Variants in PIEZO1 observed in about 807,000 individuals in gnomAD.
PIEZO1 encodes piezo-type mechanosensitive ion channel component 1.
A neutral mutation model predicts 297.2 loss-of-function variants in PIEZO1; 296 were observed. That is an observed-to-expected ratio of 1.00 (90% CI 0.91 to 1.10). The LOEUF (loss-of-function observed/expected upper bound fraction) is 1.10. PIEZO1 is among the 50% of genes least tolerant of loss of function. The pLI, the probability that PIEZO1 is intolerant of heterozygous loss-of-function variation, is 0.00. For synonymous variants in PIEZO1, 2,427 were observed against 1,507.5 expected (o/e 1.61, Z -14.13); for missense variants, 5,018 against 3,455.5 (o/e 1.45, Z -11.34).
rs564744761 is a variant in PIEZO1 at position 88,720,391 on chromosome 16, G to A, written c.5943C>T (p.Ala1981=). Residue 1981 remains alanine, a synonymous_variant, in exon 41 of 51, where the codon GCC becomes GCT. Coordinates refer to ENST00000301015, the MANE Select transcript of PIEZO1 (RefSeq NM_001142864.4). ...GGTCCCGGGCCTGGCTCACCCCAAA[G>A]GCCCAGAAGCCAAAAATGATGATGA... ...DFIIIIFGFW[A]FGKHSAATDI... 2.6e-6 allele frequency: 4 copies of A among 1,550,044 alleles called. No homozygotes were observed. The South Asian group carries it at 3.6e-5, about 14-fold the overall frequency.
Position 88,737,981 on chromosome 16 carries a change from C to T in PIEZO1, c.973G>A (p.Ala325Thr), listed in dbSNP as rs1233326306. 2.0e-5 allele frequency: 31 copies of T among 1,534,430 alleles called. No individual in the cohort carries two copies. The highest frequency in any genetic ancestry group is 1.7e-4 in the Middle Eastern group (1 of 6,002). ...SPGVLLLLCY[A>T]TASLRKLRAY... The stretch of plus-strand genomic sequence containing the variant: ...CGGAGCTTGCGCAGAGAGGCCGTGG[C>T]GTAGCACAGCAGCAGGAGGACGCCG... The change falls in exon 8 of 51, where the codon GCC becomes ACC. Residue 325 changes from alanine (A) to threonine (T), a missense_variant. Coordinates refer to ENST00000301015, the MANE Select transcript of PIEZO1 (RefSeq NM_001142864.4).
intron 44 of PIEZO1, chr16:88,719,367 C>G: frequency 3.5e-6 from 2 of 579,328 alleles, no homozygotes; most frequent in Non-Finnish European, 6.2e-6. Flanking sequence ...AACTCCGCTG[C>G]CCACTTCTGC....
chr16:88,772,768 ACT>A (rs1254429327), intron 1 of PIEZO1, among the ~76,000 whole-genome samples: 4 of 114,606 alleles, frequency 3.5e-5, no homozygotes, highest in African/African-American at 5.9e-5. Flanking sequence ...AAAGAGTGAG[ACT>A]CTGTCAAAAA....
intron 1 of PIEZO1, among the ~76,000 whole-genome samples, chr16:88,773,183 G>A (rs1907503246): frequency 6.6e-6 from 1 of 152,242 alleles, no homozygotes; most frequent in Non-Finnish European, 1.5e-5. Context: ...TTCAGGCTGA[G>A]CCTCCCCCTC....
chr16:88,732,094 GA>G (rs1245567070), intron 21 of PIEZO1, among the ~76,000 whole-genome samples, 184 bp from the exon 22 acceptor site: 1 of 151,904 alleles, frequency 6.6e-6, no homozygotes, highest in African/African-American at 2.4e-5. Context: ...TCGTGCAGGG[GA>G]AACTGAGGCT....
rs747246644 is a variant in PIEZO1 at position 88,731,956 on chromosome 16, G to GAGAGGGCGGGGCAT, written c.2992-47_2992-46insATGCCCCGCCCTCT. On this transcript the variant is annotated intron_variant, in intron 21 of 50. Coordinates refer to ENST00000301015, the MANE Select transcript of PIEZO1 (RefSeq NM_001142864.4). ...GGTGTGGGGATGCACTGAGTCTGGGGGGAGGGACTTTCTTGTCCCACCCAG... is the reference window on the plus strand; with the variant it reads ...GGTGTGGGGATGCACTGAGTCTGGGGAGAGGGCGGGGCATGGAGGGACTTTCTTGTCCCACCCAG... 17 of 287,558 alleles carry GAGAGGGCGGGGCAT rather than the reference G, an allele frequency of 5.9e-5. No homozygotes were observed. In the East Asian group the frequency reaches 1.0e-3, roughly 18 times the overall value. 17.8% of individuals were successfully genotyped at this position (287,558 alleles called of 1,614,324 possible). A position where few individuals can be genotyped will look rare whatever the true frequency, so the allele number is the denominator to read the frequency against.
At chr16:88,747,850 T>A (rs1317897264) in intron 2 of PIEZO1, among the ~76,000 whole-genome samples, 1 of 151,952 alleles carries the variant, frequency 6.6e-6, no homozygotes, top group African/African-American at 2.4e-5. Context: ...AGACAGGGTG[T>A]GATCCTGACC....
At chr16:88,718,087 T>G in intron 44 of PIEZO1, 1 of 231,022 alleles carries the variant, frequency 4.3e-6, no homozygotes, top group Non-Finnish European at 8.7e-6. Flanking sequence ...CCAACTAAAC[T>G]ATGGAGAAAG....
intron 1 of PIEZO1, among the ~76,000 whole-genome samples, chr16:88,772,670 T>C (rs1907477814): frequency 6.7e-6 from 1 of 149,320 alleles, no homozygotes; most frequent in Non-Finnish European, 1.5e-5. Context: ...TCTCAGCTAC[T>C]GGGGAGGCTG....
intron 10 of PIEZO1, 44 bp downstream of exon 10, chr16:88,737,515 C>A: frequency 7.4e-7 from 1 of 1,360,042 alleles, no homozygotes; most frequent in Non-Finnish European, 9.9e-7. Flanking sequence ...GGCCTCCGCC[C>A]CGCCCCCCGC....
At position 88,716,422 on chromosome 16, in the gene PIEZO1, G is replaced by C. The variant is rs780507176; in HGVS notation, c.6988C>G (p.Pro2330Ala). The C allele has an allele frequency of 3.2e-6, 5 of 1,549,762 alleles. No individual in the cohort carries two copies. Among genetic ancestry groups the C allele is most frequent in the Non-Finnish European group, 4.4e-6 (5 of 1,146,666 alleles). ...ANEKHMLALA[P>A]NSTARRQLAS... ...AGCTGCCGCCGTGCAGTGCTGTTGG[G>C]GGCCAGGGCCAGCATGTGCTTCTCG... The change falls in exon 48 of 51, where the codon CCC becomes GCC. Residue 2330 changes from proline (P) to alanine (A), a missense_variant. Pro to Ala is a conservative substitution (Grantham distance 27). Transcript: ENST00000301015.
At chr16:88,780,771 G>A (rs1907894155) in intron 1 of PIEZO1, among the ~76,000 whole-genome samples, 1 of 152,188 alleles carries the variant, frequency 6.6e-6, no homozygotes, top group African/African-American at 2.4e-5. Context: ...GGCCAGCCTG[G>A]CCAAAGTGGT....
intron 44 of PIEZO1, 65 bp from the exon 45 acceptor site, chr16:88,717,276 T>G (rs1398524427): frequency 2.1e-6 from 3 of 1,415,436 alleles, no homozygotes; most frequent in South Asian, 1.2e-5. Context: ...ACAACCGCAT[T>G]CTCCAGCTCA....
Position 88,726,609 on chromosome 16 carries a change from G to A in PIEZO1, c.3734C>T (p.Thr1245Ile). The A allele has an allele frequency of 1.3e-6, 2 of 1,548,946 alleles. No homozygotes were observed. Among genetic ancestry groups the A allele is most frequent in the Non-Finnish European group, 1.7e-6 (2 of 1,146,320 alleles). ...LACVFVEQMQTGFCWVIQLFS... is the reference protein window; with the variant it reads ...LACVFVEQMQIGFCWVIQLFS... ...GAGCTGGATGACCCAGCAGAAGCCGGTCTGCATCTGCTCCACGAAGACGCA... is the reference window on the plus strand; with the variant it reads ...GAGCTGGATGACCCAGCAGAAGCCGATCTGCATCTGCTCCACGAAGACGCA... The change falls in exon 26 of 51, where the codon ACC becomes ATC. Residue 1245 changes from threonine (T) to isoleucine (I), a missense_variant. Physicochemically the swap from Thr to Ile is moderately conservative, Grantham distance 89 (BLOSUM62 -1). Coordinates refer to ENST00000301015, the MANE Select transcript of PIEZO1 (RefSeq NM_001142864.4).
intron 1 of PIEZO1, among the ~76,000 whole-genome samples, chr16:88,765,288 G>A (rs889151525): frequency 2.0e-5 from 3 of 152,212 alleles, no homozygotes; most frequent in African/African-American, 7.2e-5. Context: ...GGGGTGTCAC[G>A]GGCAGGTGTC....
At position 88,735,073 on chromosome 16, in the gene PIEZO1, C is replaced by T. The variant is rs775203300; in HGVS notation, c.1670-20G>A. On this transcript the variant is annotated intron_variant, in intron 13 of 50. Coordinates refer to ENST00000301015, the MANE Select transcript of PIEZO1 (RefSeq NM_001142864.4). ...TGGGCTCTGTGGGCCAAGCCAGGGGCAGGCGATGGCATCAGGGCGGGCAGG... is the reference window on the plus strand; with the variant it reads ...TGGGCTCTGTGGGCCAAGCCAGGGGTAGGCGATGGCATCAGGGCGGGCAGG... 5.8e-6 allele frequency: 9 copies of T among 1,550,104 alleles called. No individual in the cohort carries two copies. The highest frequency in any genetic ancestry group is 2.6e-6 in the Non-Finnish European group (3 of 1,146,754).
intron 11 of PIEZO1, 21 bp from the exon 12 acceptor site, chr16:88,736,429 C>T: frequency 6.5e-7 from 1 of 1,527,342 alleles, no homozygotes; most frequent in Non-Finnish European, 8.8e-7. Context: ...GAGAGGGCTG[C>T]ACAGCTGCCC....
In PIEZO1 at chr16:88,719,710, A is replaced by G. The variant is rs760644221; in HGVS notation, c.6335T>C (p.Val2112Ala). The G allele has an allele frequency of 6.4e-7, 1 of 1,550,992 alleles. No homozygotes were observed. Among genetic ancestry groups the G allele is most frequent in the Non-Finnish European group, 8.7e-7 (1 of 1,147,344 alleles). Reference protein sequence around the residue: ...NLFLFQGFRLVPFLVELRAVM... With the variant: ...NLFLFQGFRLAPFLVELRAVM... Reference sequence around the variant, plus strand: ...TGCCCGCAGCTCCACCAGGAACGGCACCAGCCGGAACCTGCCCACAGCCAG... The same window carrying G: ...TGCCCGCAGCTCCACCAGGAACGGCGCCAGCCGGAACCTGCCCACAGCCAG... The change falls in exon 44 of 51, where the codon GTG becomes GCG. Residue 2112 changes from valine to alanine, a missense_variant. Transcript: ENST00000301015.
intron 2 of PIEZO1, among the ~76,000 whole-genome samples, chr16:88,746,980 G>A (rs1567681854): frequency 6.6e-6 from 1 of 152,198 alleles, no homozygotes; most frequent in Admixed American, 6.5e-5. Flanking sequence ...GGAGGGGTTT[G>A]GGCCTCGGGC....
Sources: gnomAD v4.1 joint callset for allele counts (sites outside exome capture counted in the v4.1 genomes callset) on GRCh38, gnomAD v4.1.1 for gene constraint, MANE v1.5 for transcripts, NCBI Gene and HGNC (gene_info 2026-07-23, HGNC 2026-07-21) for gene names.